The following SATB1 variants were observed in gnomAD, a reference collection of about 807,000 sequenced individuals.
SATB1 encodes SATB homeobox 1.
In SATB1, 11 loss-of-function variants were observed where a neutral mutation model predicts 86.9. That is an observed-to-expected ratio of 0.13 (90% CI 0.08 to 0.21). The LOEUF (loss-of-function observed/expected upper bound fraction) is 0.21, where lower values mean the gene tolerates loss of function less well. Among genes scored for constraint, SATB1 ranks in the 10% least tolerant of loss-of-function variants. The pLI is 1.00. For synonymous variants in SATB1, 357 were observed against 357.2 expected (o/e 1.00, Z 0.01); for missense variants, 551 against 937.6 (o/e 0.59, Z 5.39).
chr3:18,420,830 C>T lies in SATB1; in HGVS notation c.138G>A (p.Gly46=), dbSNP rs753650417. ...NGSPLGRGRL[G]STGAKMQGVP... ...CTCCCTGCATTTTTGCACCTGTACTCCCAAGCCTTCCTCTTCCTAGCGGGC... is the reference window on the plus strand; with the variant it reads ...CTCCCTGCATTTTTGCACCTGTACTTCCAAGCCTTCCTCTTCCTAGCGGGC... Residue 46 remains glycine, a synonymous_variant, in exon 2 of 11, where the codon GGG becomes GGA. Transcript: ENST00000338745. 5 of 1,614,158 alleles carry T rather than the reference C, an allele frequency of 3.1e-6. No homozygotes were observed. In the Admixed American group the frequency reaches 8.3e-5, roughly 27 times the overall value.
chr3:18,429,604 C>G (rs1007814068), upstream of SATB1, among the ~76,000 whole-genome samples: 3 of 152,196 alleles, frequency 2.0e-5, no homozygotes, highest in Non-Finnish European at 4.4e-5. This position sits in a 1 kb window ranked among gnomAD's most constrained non-coding sequence, Gnocchi z 4.1. Context: ...CTGCAGCCAA[C>G]CTGACCCAGC....
Position 18,352,576 on chromosome 3 carries a change from G to C in SATB1, c.1576-381C>G, listed in dbSNP as rs1694422261. ...TCTGAGGATACGGAAGTGCCTAAGA[G>C]GCAGGACAGATTTTAGAAATAATTT... On this transcript the variant is annotated intron_variant, in intron 9 of 10. Transcript: ENST00000338745. The surrounding 1 kb of genome is among the most constrained non-coding windows in gnomAD (Gnocchi z 4.1). 3 of 193,448 alleles carry C rather than the reference G, an allele frequency of 1.6e-5. No homozygotes were observed. The South Asian group carries it at 3.2e-4, about 21-fold the overall frequency. The allele number at this position is 193,448 out of a possible 1,614,324, so 12.0% of individuals were successfully genotyped here.
intron 5 of SATB1, among the ~76,000 whole-genome samples, chr3:18,401,265 C>T (rs1194569137): frequency 2.0e-5 from 3 of 152,182 alleles, no homozygotes; most frequent in Non-Finnish European, 4.4e-5. Context: ...TCCTCTTCCC[C>T]TTTTTTCCCC....
At chr3:18,376,217 A>C (rs1695743639) in intron 9 of SATB1, among the ~76,000 whole-genome samples, 2 of 151,970 alleles carry the variant, frequency 1.3e-5, no homozygotes, top group South Asian at 4.2e-4. Flanking sequence ...AAAAGGATGA[A>C]GTCAAAGATA....
chr3:18,356,125 A>G (rs1034963316), intron 9 of SATB1, among the ~76,000 whole-genome samples: 10 of 151,978 alleles, frequency 6.6e-5, no homozygotes. Context: ...GAATAAGCTG[A>G]AAATGCCATG....
At position 18,416,997 on chromosome 3, in the gene SATB1, A is replaced by T; in HGVS notation, c.293T>A (p.Phe98Tyr). The change falls in exon 3 of 11, where the codon TTT (phenylalanine) becomes TAT (tyrosine). Residue 98 changes from phenylalanine to tyrosine, a missense_variant. Transcript: ENST00000338745. ...EYDCKEEHAE[F>Y]VLVRKDMLFN... ...AAGCATATCCTTTCTCACCAGCACA[A>T]ATTCTGCATGCTCCTCCTTGCAATC... 1.2e-6 allele frequency: 2 copies of T among 1,613,646 alleles called. No individual in the cohort carries two copies. Among genetic ancestry groups the T allele is most frequent in the Non-Finnish European group, 1.7e-6 (2 of 1,179,700 alleles).
At chr3:18,369,579 C>T in intron 9 of SATB1, among the ~76,000 whole-genome samples, 1 of 152,078 alleles carries the variant, frequency 6.6e-6, no homozygotes, top group Non-Finnish European at 1.5e-5. Flanking sequence ...AGTTACACCA[C>T]ATGTGGTTTT....
chr3:18,432,579 C>A (rs1417625670), intron 2 of SATB1, among the ~76,000 whole-genome samples: 1 of 151,968 alleles, frequency 6.6e-6, no homozygotes, highest in East Asian at 1.9e-4. Flanking sequence ...CACACCTGGA[C>A]AATAATTAAA....
At chr3:18,356,289 A>G (rs1345086021) in intron 9 of SATB1, among the ~76,000 whole-genome samples, 1 of 151,892 alleles carries the variant, frequency 6.6e-6, no homozygotes, top group East Asian at 1.9e-4. Flanking sequence ...GTAACCAAGA[A>G]CCATGTGCAA....
intron 5 of SATB1, among the ~76,000 whole-genome samples, chr3:18,403,452 A>C (rs1021677500): frequency 4.6e-5 from 7 of 152,216 alleles, no homozygotes; most frequent in Middle Eastern, 3.4e-3. Context: ...TTTGAATTGG[A>C]ATACTCTAGA....
Position 18,444,501 on chromosome 3 carries a change from G to C in SATB1, c.-25+1017C>G. ...GCCCAGCCGCCCCAATAGGGGACGA[G>C]GAGTGGGTGCTACGGAGAAGTTTGG... is the stretch of plus-strand genomic sequence containing the variant. On this transcript the variant is annotated intron_variant, in intron 1 of 3. Transcript: ENST00000415069. This position sits in a 1 kb window ranked among gnomAD's most constrained non-coding sequence, Gnocchi z 5.1. The C allele has an allele frequency of 1.2e-6, 1 of 830,584 alleles. No individual in the cohort carries two copies. The highest frequency in any genetic ancestry group is 5.5e-5 in the South Asian group (1 of 18,252). The allele number at this position is 830,584 out of a possible 1,614,324, so 51.5% of individuals were successfully genotyped here. A position where few individuals can be genotyped will look rare whatever the true frequency, so the allele number is the denominator to read the frequency against.
chr3:18,386,246 A>G lies in SATB1; in HGVS notation c.1419+153T>C, dbSNP rs1666804991. On this transcript the variant is annotated intron_variant, in intron 8 of 10. Transcript: ENST00000338745. The surrounding 1 kb of genome is among the most constrained non-coding windows in gnomAD (Gnocchi z 4.5). ...AGCTTATTGTTTTTATATCAGAATTAATGATTTGGGACCAAATTCTCCTCA... is the reference window on the plus strand; with the variant it reads ...AGCTTATTGTTTTTATATCAGAATTGATGATTTGGGACCAAATTCTCCTCA... 6.6e-6 allele frequency among the ~76,000 whole-genome samples: 1 copy of G among 152,154 alleles called. No homozygotes were observed. The highest frequency in any genetic ancestry group is 1.5e-5 in the Non-Finnish European group (1 of 68,024).
At position 18,415,040 on chromosome 3, in the gene SATB1, G is replaced by A. The variant is rs566773201; in HGVS notation, c.639+71C>T. 59 of 1,565,378 alleles carry A rather than the reference G, an allele frequency of 3.8e-5. 1 individual carries two copies. In the South Asian group the frequency reaches 4.2e-4, roughly 11 times the overall value. Reference sequence around the variant, plus strand: ...TCAGATACCAGTTGCTTTAAACCAGGGAGCTCCATCAAACCTCAAATCAGG... The same window carrying A: ...TCAGATACCAGTTGCTTTAAACCAGAGAGCTCCATCAAACCTCAAATCAGG... On this transcript the variant is annotated intron_variant, in intron 5 of 10. Coordinates refer to ENST00000338745, the MANE Select transcript of SATB1 (RefSeq NM_002971.6).
intron 5 of SATB1, among the ~76,000 whole-genome samples, chr3:18,398,844 C>A (rs1697099984): frequency 6.6e-6 from 1 of 152,096 alleles, no homozygotes; most frequent in African/African-American, 2.4e-5. Flanking sequence ...CTAAGAGCCT[C>A]CCACAGTCCA....
chr3:18,408,433 C>A (rs1469212561), intron 5 of SATB1, among the ~76,000 whole-genome samples: 1 of 151,954 alleles, frequency 6.6e-6, no homozygotes, highest in Non-Finnish European at 1.5e-5. Context: ...ACATACAATT[C>A]CTAATAGAAT....
intron 2 of SATB1, among the ~76,000 whole-genome samples, chr3:18,434,087 A>G (rs1277936969): frequency 6.6e-6 from 1 of 152,166 alleles, no homozygotes; most frequent in African/African-American, 2.4e-5. Context: ...TTAAAGGTCA[A>G]TATCCACTAT....
Position 18,420,252 on chromosome 3 carries a change from C to T in SATB1, c.211+505G>A, listed in dbSNP as rs112595041. On this transcript the variant is annotated intron_variant, in intron 2 of 10. Transcript: ENST00000338745. Reference sequence around the variant, plus strand: ...TAAAACAAAAATAAAAAACTAGAATCATCAGATTTTTTACTGCTAATGAAT... The same window carrying T: ...TAAAACAAAAATAAAAAACTAGAATTATCAGATTTTTTACTGCTAATGAAT... 7.3e-3 allele frequency among the ~76,000 whole-genome samples: 1,105 copies of T among 152,272 alleles called. 12 individuals carry two copies. Among genetic ancestry groups the T allele is most frequent in the South Asian group, 0.037 (176 of 4,818 alleles).
intron 8 of SATB1, among the ~76,000 whole-genome samples, chr3:18,381,194 C>T (rs1283204729): frequency 6.6e-6 from 1 of 152,140 alleles, no homozygotes; most frequent in African/African-American, 2.4e-5. Context: ...TCCATAAAAA[C>T]TCTATTTTGC....
upstream of SATB1, among the ~76,000 whole-genome samples, chr3:18,430,051 GAATT>G (rs1262176870): frequency 6.6e-6 from 1 of 152,168 alleles, no homozygotes; most frequent in African/African-American, 2.4e-5. Flanking sequence ...ATTTAAATTT[GAATT>G]AATTTAAATG....
Sources: allele counts gnomAD v4.1 joint callset (sites outside exome capture counted in the v4.1 genomes callset), GRCh38; gene constraint gnomAD v4.1.1; non-coding constraint Gnocchi (gnomAD v3.1); transcripts MANE v1.5; gene names NCBI Gene and HGNC (gene_info 2026-07-23, HGNC 2026-07-21).